The following TGFBR3 variants were observed in gnomAD, a reference collection of about 807,000 sequenced individuals.
The protein encoded by TGFBR3 is transforming growth factor beta receptor type 3.
Under a neutral mutation model 87.9 loss-of-function variants are expected in TGFBR3, and 46 were observed. The observed-to-expected ratio is 0.52, with a 90% CI of 0.41 to 0.67. The LOEUF (loss-of-function observed/expected upper bound fraction) is 0.67, where lower values mean the gene tolerates loss of function less well. TGFBR3 is among the 30% of genes least tolerant of loss of function. TGFBR3 has a pLI of 0.00. For missense variants in TGFBR3, 866 were observed against 1,041.9 expected (o/e 0.83, Z 2.32); for synonymous variants, 381 against 391.6 (o/e 0.97, Z 0.32).
chr1:91,708,105 A>G (rs1671855230), intron 14 of TGFBR3, among the ~76,000 whole-genome samples: 1 of 152,232 alleles, frequency 6.6e-6, no homozygotes, highest in Non-Finnish European at 1.5e-5. Context: ...CTTGTGGAGA[A>G]AGAGGCATGC....
In TGFBR3 at chr1:91,885,973, C is replaced by T. The variant is rs1475826884; in HGVS notation, c.-209G>A. ...CCCAGCGCTCGGCGGCGGCGAGCTCCGGCAGCTGCTGCGCCGCGGCAAAAC... is the reference window on the plus strand; with the variant it reads ...CCCAGCGCTCGGCGGCGGCGAGCTCTGGCAGCTGCTGCGCCGCGGCAAAAC... On this transcript the variant is annotated 5_prime_UTR_variant, in exon 1 of 17. Coordinates refer to ENST00000212355, the MANE Select transcript of TGFBR3 (RefSeq NM_003243.5). 4.4e-6 allele frequency: 2 copies of T among 451,788 alleles called. No homozygotes were observed. The highest frequency in any genetic ancestry group is 8.9e-6 in the Non-Finnish European group (2 of 225,412). The allele number at this position is 451,788 out of a possible 1,614,324, so 28.0% of individuals were successfully genotyped here. A position where few individuals can be genotyped will look rare whatever the true frequency, so the allele number is the denominator to read the frequency against.
intron 5 of TGFBR3, among the ~76,000 whole-genome samples, chr1:91,731,940 T>G (rs1425559214): frequency 6.6e-6 from 1 of 152,230 alleles, no homozygotes; most frequent in Non-Finnish European, 1.5e-5. Context: ...ACTTTTGTTG[T>G]GTGTGGTTTC....
At chr1:91,859,548 A>C (rs1678093779) in intron 2 of TGFBR3, among the ~76,000 whole-genome samples, 1 of 152,142 alleles carries the variant, frequency 6.6e-6, no homozygotes, top group African/African-American at 2.4e-5. Flanking sequence ...CTGCTGATAG[A>C]CAAAAATAGA....
intron 12 of TGFBR3, among the ~76,000 whole-genome samples, chr1:91,715,667 AT>A (rs1299632233): frequency 6.6e-6 from 1 of 152,190 alleles, no homozygotes; most frequent in African/African-American, 2.4e-5. Context: ...TATATAGGAA[AT>A]AGTTTAAATA....
At chr1:91,830,738 T>C (rs1169318557) in intron 2 of TGFBR3, among the ~76,000 whole-genome samples, 1 of 152,030 alleles carries the variant, frequency 6.6e-6, no homozygotes, top group Non-Finnish European at 1.5e-5. Context: ...ATGAAGGGCA[T>C]AAGGAGTAGC....
At chr1:91,880,017 T>C (rs964088464) in intron 1 of TGFBR3, among the ~76,000 whole-genome samples, 2 of 152,154 alleles carry the variant, frequency 1.3e-5, no homozygotes, top group Admixed American at 6.5e-5. Context: ...TCATTCCAAG[T>C]GTTACTCTGA....
At chr1:91,696,058 G>C (rs1287892621) in intron 15 of TGFBR3, among the ~76,000 whole-genome samples, 1 of 152,132 alleles carries the variant, frequency 6.6e-6, no homozygotes, top group Non-Finnish European at 1.5e-5. Flanking sequence ...GTAAAATCTT[G>C]TCTGTCATCT....
chr1:91,767,939 G>A (rs2100923275), intron 3 of TGFBR3, among the ~76,000 whole-genome samples: 1 of 151,964 alleles, frequency 6.6e-6, no homozygotes, highest in East Asian at 1.9e-4. Context: ...TTGGCCGGGT[G>A]CAGTGACTCA....
chr1:91,773,594 A>C (rs1406327746), intron 3 of TGFBR3, among the ~76,000 whole-genome samples: 2 of 152,234 alleles, frequency 1.3e-5, no homozygotes, highest in Admixed American at 6.5e-5. Flanking sequence ...GGCAGGGAGA[A>C]TTGCATGAAT....
At chr1:91,762,939 T>C (rs1008382635) in intron 3 of TGFBR3, among the ~76,000 whole-genome samples, 9 of 152,054 alleles carry the variant, frequency 5.9e-5, no homozygotes, top group Non-Finnish European at 1.2e-4. Context: ...TACCTCCCTA[T>C]CTCTCACTTG....
At chr1:91,886,703 C>G (rs1019992469), upstream of TGFBR3, among the ~76,000 whole-genome samples, 1 of 152,162 alleles carries the variant, frequency 6.6e-6, no homozygotes, top group South Asian at 2.1e-4. Context: ...TCCCAACCTC[C>G]GGTCCCGCTT....
Position 91,886,139 on chromosome 1 carries a change from G to C in TGFBR3, c.-375C>G, listed in dbSNP as rs1679299194. On this transcript the variant is annotated 5_prime_UTR_variant, in exon 1 of 17. Transcript: ENST00000212355. ...GAGGAAAGTGCCGCTCGGCGTCCCC[G>C]AAACCCTCGATTACCCCCATCAGGC... is the stretch of plus-strand genomic sequence containing the variant. 1 of 454,094 alleles carries C rather than the reference G, an allele frequency of 2.2e-6. No individual in the cohort carries two copies. Among genetic ancestry groups the C allele is most frequent in the Non-Finnish European group, 4.4e-6 (1 of 226,788 alleles). 28.1% of individuals were successfully genotyped at this position (454,094 alleles called of 1,614,324 possible).
At chr1:91,792,660 C>T (rs1326909446) in intron 3 of TGFBR3, among the ~76,000 whole-genome samples, 1 of 152,152 alleles carries the variant, frequency 6.6e-6, no homozygotes, top group African/African-American at 2.4e-5. Context: ...TGTAAACAAG[C>T]CTCTAATGGT....
At chr1:91,902,433 A>C (rs1268530731) in intron 1 of TGFBR3, among the ~76,000 whole-genome samples, 2 of 151,852 alleles carry the variant, frequency 1.3e-5, no homozygotes, top group African/African-American at 4.8e-5. Context: ...ATACAAACAC[A>C]AACACACCTG....
chr1:91,879,398 A>T (rs867243033), intron 1 of TGFBR3, among the ~76,000 whole-genome samples: 16 of 152,150 alleles, frequency 1.1e-4, no homozygotes, highest in Non-Finnish European at 1.0e-4. Flanking sequence ...AAAACCAGAC[A>T]TTAGGCTCCC....
chr1:91,823,922 G>C (rs1391130035), intron 2 of TGFBR3, among the ~76,000 whole-genome samples: 3 of 152,146 alleles, frequency 2.0e-5, no homozygotes, highest in Non-Finnish European at 4.4e-5. Flanking sequence ...TTAAACCCAG[G>C]AGTTTGGGAC....
At chr1:91,807,267 G>A (rs1488060272) in intron 2 of TGFBR3, among the ~76,000 whole-genome samples, 1 of 152,138 alleles carries the variant, frequency 6.6e-6, no homozygotes, top group East Asian at 1.9e-4. Context: ...GTAGGAAAAA[G>A]GTAGACAAGT....
chr1:91,806,560 C>T (rs1675841626), intron 2 of TGFBR3, among the ~76,000 whole-genome samples: 1 of 152,102 alleles, frequency 6.6e-6, no homozygotes, highest in Non-Finnish European at 1.5e-5. Context: ...AATACCAATG[C>T]ATACCAAGTT....
At chr1:91,867,773 G>C (rs1384056529) in intron 1 of TGFBR3, among the ~76,000 whole-genome samples, 5 of 152,086 alleles carry the variant, frequency 3.3e-5, no homozygotes, top group Non-Finnish European at 7.4e-5. Context: ...TCAAAACCTG[G>C]CTTACCCAGC....
Sources: allele counts gnomAD v4.1 joint callset (sites outside exome capture counted in the v4.1 genomes callset), GRCh38; gene constraint gnomAD v4.1.1; transcripts MANE v1.5; gene names NCBI Gene and HGNC (gene_info 2026-07-23, HGNC 2026-07-21).